Variants in IQCJ observed in about 807,000 individuals in gnomAD.
IQCJ encodes the protein IQ motif containing J, also known as IQ domain-containing protein J.
IQCJ carries 9 observed loss-of-function variants against 11.0 expected under a neutral mutation model. The observed-to-expected ratio is 0.82, with a 90% CI of 0.49 to 1.43. The LOEUF (loss-of-function observed/expected upper bound fraction) is 1.43. Ranked by LOEUF, IQCJ falls within the 40% of genes most tolerant of loss-of-function variation. IQCJ has a pLI of 0.00. For missense variants in IQCJ, 146 were observed against 133.2 expected, an observed-to-expected ratio of 1.10 and a Z score of -0.47; for synonymous variants, 55 against 51.3, an observed-to-expected ratio of 1.07 and a Z score of -0.31.
intron 1 of IQCJ, among the ~76,000 whole-genome samples, chr3:159,143,176 A>C (rs1720726588): frequency 6.6e-6 from 1 of 152,234 alleles, no homozygotes; most frequent in Admixed American, 6.5e-5. Flanking sequence ...CCAATGATGA[A>C]GTGTGAAAAA....
At chr3:159,159,284 G>T (rs1577049044) in intron 1 of IQCJ, among the ~76,000 whole-genome samples, 3 of 152,050 alleles carry the variant, frequency 2.0e-5, no homozygotes, top group South Asian at 4.1e-4. Context: ...AGAAGGTTGG[G>T]GCTGTGGGCT....
chr3:159,092,116 G>T (rs751155436), intron 1 of IQCJ, among the ~76,000 whole-genome samples: 4 of 151,774 alleles, frequency 2.6e-5, no homozygotes, highest in Non-Finnish European at 5.9e-5. Context: ...CCCCAACCTA[G>T]CATCACCAAG....
intron 1 of IQCJ, among the ~76,000 whole-genome samples, chr3:159,211,235 G>A (rs146538082): frequency 9.0e-4 from 137 of 152,274 alleles, no homozygotes; most frequent in Admixed American, 2.8e-3. Flanking sequence ...GAAGTACACC[G>A]TTGTGGATGA....
chr3:159,116,614 G>GTATATA (rs57810703), intron 1 of IQCJ, among the ~76,000 whole-genome samples: 55 of 57,664 alleles, frequency 9.5e-4, no homozygotes, highest in Non-Finnish European at 1.3e-3. Flanking sequence ...CTGCTCATAT[G>GTATATA]TATATATATA....
chr3:159,145,329 C>T (rs1720864068), intron 1 of IQCJ, among the ~76,000 whole-genome samples: 1 of 152,212 alleles, frequency 6.6e-6, no homozygotes, highest in African/African-American at 2.4e-5. Flanking sequence ...TCTGACCCAT[C>T]TACCCATGCA....
intron 1 of IQCJ, among the ~76,000 whole-genome samples, chr3:159,167,951 C>T (rs1225985425): frequency 6.6e-6 from 1 of 152,194 alleles, no homozygotes; most frequent in Non-Finnish European, 1.5e-5. Flanking sequence ...TTTTGCACCA[C>T]CTAGATGGGC....
chr3:159,173,509 C>G (rs1403902835), intron 1 of IQCJ, among the ~76,000 whole-genome samples: 1 of 152,174 alleles, frequency 6.6e-6, no homozygotes, highest in African/African-American at 2.4e-5. Context: ...TTACGTTACC[C>G]TTTCAGAATA....
At chr3:159,124,069 A>T (rs184122604) in intron 1 of IQCJ, among the ~76,000 whole-genome samples, 5 of 152,264 alleles carry the variant, frequency 3.3e-5, no homozygotes, top group Admixed American at 3.3e-4. Flanking sequence ...TGCCTTAAAT[A>T]TCACCACCTG....
intron 1 of IQCJ, among the ~76,000 whole-genome samples, chr3:159,123,791 T>C (rs1719515479): frequency 6.6e-6 from 1 of 152,092 alleles, no homozygotes; most frequent in Non-Finnish European, 1.5e-5. Context: ...AAGATAGAGG[T>C]TGCCTGTCTG....
intron 1 of IQCJ, among the ~76,000 whole-genome samples, chr3:159,133,081 T>A (rs1374760946): frequency 1.3e-5 from 2 of 152,326 alleles, no homozygotes; most frequent in Admixed American, 1.3e-4. Flanking sequence ...GACATTTGCT[T>A]GTGTGAAAAA....
At chr3:159,144,180 A>G (rs1720787769) in intron 1 of IQCJ, among the ~76,000 whole-genome samples, 2 of 152,326 alleles carry the variant, frequency 1.3e-5, no homozygotes, top group Middle Eastern at 3.4e-3. Context: ...ACTAGAAACC[A>G]AAAGGGAAAT....
rs140199619 is a variant in IQCJ, at chr3:159,070,763, G to C, written c.9+1322G>C. Among the ~76,000 whole-genome samples, 902 of 152,084 alleles carry C rather than the reference G, an allele frequency of 5.9e-3. 8 individuals carry two copies. The highest frequency in any genetic ancestry group is 0.02 in the African/African-American group (820 of 41,518). On this transcript the variant is annotated intron_variant, in intron 1 of 3. Coordinates refer to ENST00000397832, the MANE Select transcript of IQCJ (RefSeq NM_001042706.3). ...AATTAAAATAGTTTTTCACAAGTAG[G>C]TTTTTTAAATGTACGTTGGGTAGTG... is the stretch of plus-strand genomic sequence containing the variant.
At chr3:159,168,003 C>A (rs1722271907) in intron 1 of IQCJ, among the ~76,000 whole-genome samples, 2 of 152,146 alleles carry the variant, frequency 1.3e-5, no homozygotes, top group Admixed American at 1.3e-4. Flanking sequence ...TAGATGCTGG[C>A]AGTAAAATTC....
chr3:159,083,875 G>A (rs1303138316), intron 1 of IQCJ, among the ~76,000 whole-genome samples: 3 of 152,078 alleles, frequency 2.0e-5, no homozygotes, highest in Non-Finnish European at 4.4e-5. Context: ...TATAGATGGG[G>A]AACAGATTCA....
At chr3:159,161,476 A>C (rs997316707) in intron 1 of IQCJ, among the ~76,000 whole-genome samples, 1 of 152,094 alleles carries the variant, frequency 6.6e-6, no homozygotes, top group African/African-American at 2.4e-5. Flanking sequence ...CCCAATTTGT[A>C]GGTTGCCTGC....
chr3:159,204,914 G>T (rs535292097), intron 1 of IQCJ, among the ~76,000 whole-genome samples: 1 of 152,218 alleles, frequency 6.6e-6, no homozygotes, highest in Non-Finnish European at 1.5e-5. Flanking sequence ...CTTTGAAGGG[G>T]TAGCAGGCCA....
chr3:159,198,055 C>A (rs1724094039), intron 1 of IQCJ, among the ~76,000 whole-genome samples: 1 of 152,040 alleles, frequency 6.6e-6, no homozygotes, highest in Non-Finnish European at 1.5e-5. Flanking sequence ...ATTATAAATA[C>A]CCTGAGGCCA....
At chr3:159,076,073 A>G (rs868199190) in intron 1 of IQCJ, among the ~76,000 whole-genome samples, 1 of 152,126 alleles carries the variant, frequency 6.6e-6, no homozygotes, top group African/African-American at 2.4e-5. Context: ...TAAATTCAGG[A>G]ACCAGCACCA....
chr3:159,113,858 C>T (rs1040045887), intron 1 of IQCJ, among the ~76,000 whole-genome samples: 2 of 151,650 alleles, frequency 1.3e-5, no homozygotes, highest in Non-Finnish European at 3.0e-5. Flanking sequence ...GAGGGAAAGA[C>T]CCCAAAACAT....
Sources: allele counts gnomAD v4.1 joint callset (sites outside exome capture counted in the v4.1 genomes callset), GRCh38; gene constraint gnomAD v4.1.1; transcripts MANE v1.5; gene names NCBI Gene and HGNC (gene_info 2026-07-23, HGNC 2026-07-21).